Variants in MACROD2 observed in about 807,000 individuals in gnomAD.
MACROD2 encodes the protein ADP-ribose glycohydrolase MACROD2.
A neutral mutation model predicts 70.4 loss-of-function variants in MACROD2; 36 were observed. The observed-to-expected ratio is 0.51, with a 90% CI of 0.39 to 0.68. The LOEUF is 0.68. Among genes scored for constraint, MACROD2 ranks in the 30% least tolerant of loss-of-function variants. The pLI is 0.00. For missense variants in MACROD2, 496 were observed against 538.4 expected (o/e 0.92, Z 0.78); for synonymous variants, 172 against 178.8 (o/e 0.96, Z 0.30).
At chr20:16,027,213 T>A (rs2067093043) in intron 15 of MACROD2, among the ~76,000 whole-genome samples, 2 of 152,208 alleles carry the variant, frequency 1.3e-5, no homozygotes, top group African/African-American at 4.8e-5. Context: ...CAGAACCGCA[T>A]GCATTTACTT....
chr20:14,165,086 G>A (rs2055248359), intron 3 of MACROD2, among the ~76,000 whole-genome samples: 1 of 152,150 alleles, frequency 6.6e-6, no homozygotes, highest in South Asian at 2.1e-4. Context: ...AGGGGCTGTT[G>A]GGACCCAGGG....
chr20:15,975,522 T>A (rs919181605), intron 13 of MACROD2, among the ~76,000 whole-genome samples: 4 of 152,200 alleles, frequency 2.6e-5, no homozygotes, highest in African/African-American at 9.6e-5. Flanking sequence ...TTATGTATCT[T>A]TTAAAAACAA....
At chr20:15,262,762 C>T (rs1284213414) in intron 6 of MACROD2, among the ~76,000 whole-genome samples, 1 of 152,028 alleles carries the variant, frequency 6.6e-6, no homozygotes, top group African/African-American at 2.4e-5. Flanking sequence ...AAGATAATAT[C>T]TCATTGTAGT....
intron 10 of MACROD2, among the ~76,000 whole-genome samples, chr20:15,914,181 G>A (rs772837212): frequency 6.6e-6 from 1 of 152,182 alleles, no homozygotes; most frequent in Non-Finnish European, 1.5e-5. Flanking sequence ...TTTAGGTTTT[G>A]AAATCTTCCT....
chr20:14,279,740 A>G (rs532532986), intron 3 of MACROD2, among the ~76,000 whole-genome samples: 14 of 152,308 alleles, frequency 9.2e-5, no homozygotes, highest in African/African-American at 3.1e-4. Flanking sequence ...TGTATGTAAT[A>G]CACAAAATTT....
At chr20:15,375,077 G>A (rs2045544439) in intron 6 of MACROD2, among the ~76,000 whole-genome samples, 1 of 152,062 alleles carries the variant, frequency 6.6e-6, no homozygotes, top group African/African-American at 2.4e-5. Context: ...GCAAAATATT[G>A]CCAGTCTTCT....
intron 3 of MACROD2, among the ~76,000 whole-genome samples, chr20:14,472,510 G>A (rs2084542064): frequency 6.6e-6 from 1 of 151,932 alleles, no homozygotes; most frequent in South Asian, 2.1e-4. Context: ...TATTAATGTG[G>A]GCCTTGGGTA....
intron 5 of MACROD2, among the ~76,000 whole-genome samples, chr20:14,829,009 T>C (rs2072932693): frequency 6.6e-6 from 1 of 151,626 alleles, no homozygotes; most frequent in Non-Finnish European, 1.5e-5. Flanking sequence ...GCCATGGTAG[T>C]TTGCTGTGCC....
At chr20:15,784,425 G>T (rs960340648) in intron 8 of MACROD2, among the ~76,000 whole-genome samples, 1 of 152,120 alleles carries the variant, frequency 6.6e-6, no homozygotes, top group Non-Finnish European at 1.5e-5. Context: ...ACACAGAAAA[G>T]AAATTTATGC....
At chr20:15,787,269 C>T (rs1487481370) in intron 8 of MACROD2, among the ~76,000 whole-genome samples, 1 of 152,140 alleles carries the variant, frequency 6.6e-6, no homozygotes, top group Non-Finnish European at 1.5e-5. Context: ...ACATTTTCTA[C>T]TGTTGGCATA....
At chr20:14,274,101 T>G (rs1251575345) in intron 3 of MACROD2, among the ~76,000 whole-genome samples, 1 of 152,178 alleles carries the variant, frequency 6.6e-6, no homozygotes, top group Non-Finnish European at 1.5e-5. Flanking sequence ...TCTGAAACTA[T>G]TCCAATCAAT....
chr20:14,091,555 A>G (rs188353179), intron 3 of MACROD2, among the ~76,000 whole-genome samples: 2 of 152,326 alleles, frequency 1.3e-5, no homozygotes, highest in African/African-American at 4.8e-5. Context: ...TTAATCATCC[A>G]CACTGTGTAT....
chr20:15,207,438 T>A (rs1369274750), intron 5 of MACROD2, among the ~76,000 whole-genome samples: 1 of 128,428 alleles, frequency 7.8e-6, no homozygotes, highest in Non-Finnish European at 1.7e-5. Flanking sequence ...TGTTTCTGGT[T>A]TTTTTTTTTT....
chr20:15,465,666 G>T (rs1196556844), intron 7 of MACROD2, among the ~76,000 whole-genome samples: 5 of 152,254 alleles, frequency 3.3e-5, no homozygotes, highest in Non-Finnish European at 4.4e-5. Flanking sequence ...AGAAAACGGG[G>T]CAACCCTGCA....
At chr20:15,978,496 C>A (rs755303633) in intron 13 of MACROD2, among the ~76,000 whole-genome samples, 15 of 152,110 alleles carry the variant, frequency 9.9e-5, no homozygotes, top group Non-Finnish European at 2.1e-4. Flanking sequence ...ACCATATAAA[C>A]CCCTCATTTT....
intron 5 of MACROD2, among the ~76,000 whole-genome samples, chr20:14,903,368 A>G (rs1432064458): frequency 1.3e-5 from 2 of 152,104 alleles, no homozygotes; most frequent in African/African-American, 4.8e-5. Flanking sequence ...TTATTTGAAG[A>G]AGACAGGAAC....
At chr20:14,624,557 T>C (rs910664015) in intron 4 of MACROD2, among the ~76,000 whole-genome samples, 1 of 152,202 alleles carries the variant, frequency 6.6e-6, no homozygotes, top group Non-Finnish European at 1.5e-5. Flanking sequence ...CTAATAATTA[T>C]GCACCTTTGG....
At chr20:14,168,955 A>G (rs929867547) in intron 3 of MACROD2, among the ~76,000 whole-genome samples, 3 of 152,238 alleles carry the variant, frequency 2.0e-5, no homozygotes, top group Non-Finnish European at 4.4e-5. Context: ...AAAATCCTCA[A>G]TGAAATACTA....
chr20:15,062,943 G>A (rs981899112), intron 5 of MACROD2, among the ~76,000 whole-genome samples: 21 of 152,138 alleles, frequency 1.4e-4, no homozygotes, highest in African/African-American at 2.4e-5. Flanking sequence ...AGCACTGCTC[G>A]GCCTTGCTAA....
Sources: gnomAD v4.1 joint callset for allele counts (sites outside exome capture counted in the v4.1 genomes callset) on GRCh38, gnomAD v4.1.1 for gene constraint, MANE v1.5 for transcripts, NCBI Gene and HGNC (gene_info 2026-07-23, HGNC 2026-07-21) for gene names.